The following ST14 variants were observed in gnomAD, a reference collection of about 807,000 sequenced individuals.
ST14 encodes ST14 transmembrane serine protease matriptase.
Under a neutral mutation model 96.5 loss-of-function variants are expected in ST14, and 40 were observed. The observed-to-expected ratio is 0.41, with a 90% confidence interval of 0.32 to 0.54. ST14 has a LOEUF of 0.54. ST14 is among the 20% of genes least tolerant of loss of function. The probability of loss-of-function intolerance (pLI) is 0.17; values close to 1 mark genes in which losing one functional copy is unlikely to be tolerated. For missense variants in ST14, 1,066 were observed against 1,188.9 expected (o/e 0.90, Z 1.52); for synonymous variants, 506 against 492.1 (o/e 1.03, Z -0.37).
At chr11:130,176,625 T>A (rs1953140841) in intron 1 of ST14, among the ~76,000 whole-genome samples, 2 of 152,068 alleles carry the variant, frequency 1.3e-5, no homozygotes, top group South Asian at 4.2e-4. Context: ...CCTGACCTCA[T>A]GATCCGCCTG....
At chr11:130,168,792 T>C (rs369564251) in intron 1 of ST14, among the ~76,000 whole-genome samples, 17 of 152,292 alleles carry the variant, frequency 1.1e-4, no homozygotes, top group Non-Finnish European at 1.8e-4. Flanking sequence ...GTTTGCATAG[T>C]TGGTCCTTTC....
chr11:130,161,268 C>T (rs933303905), intron 1 of ST14, among the ~76,000 whole-genome samples: 1 of 152,224 alleles, frequency 6.6e-6, no homozygotes, highest in African/African-American at 2.4e-5. Flanking sequence ...GGCCCTTCCC[C>T]TGGCTGTGCC....
At chr11:130,183,493 A>G (rs1029769712) in intron 1 of ST14, among the ~76,000 whole-genome samples, 3 of 150,916 alleles carry the variant, frequency 2.0e-5, no homozygotes, top group South Asian at 2.1e-4. Context: ...GGATTGCTTG[A>G]GCCAAGAATT....
At chr11:130,191,956 T>G (rs1213991214) in intron 7 of ST14, among the ~76,000 whole-genome samples, 4 of 152,176 alleles carry the variant, frequency 2.6e-5, no homozygotes, top group African/African-American at 9.7e-5. Flanking sequence ...GTGAGTCCTT[T>G]CCTATCTCTA....
chr11:130,168,813 G>A (rs1467185010), intron 1 of ST14, among the ~76,000 whole-genome samples: 1 of 152,110 alleles, frequency 6.6e-6, no homozygotes, highest in Admixed American at 6.5e-5. Context: ...CCCAAAACAG[G>A]TGCTCAGATT....
At chr11:130,190,349 C>G in intron 6 of ST14, 105 bp from the exon 7 acceptor site, 2 of 1,566,976 alleles carry the variant, frequency 1.3e-6, no homozygotes, top group Non-Finnish European at 1.7e-6. Context: ...TGGGGCGTCT[C>G]GAAGGGGCGA....
At chr11:130,177,524 T>A (rs1421312283) in intron 1 of ST14, among the ~76,000 whole-genome samples, 1 of 152,048 alleles carries the variant, frequency 6.6e-6, no homozygotes, top group South Asian at 2.1e-4. Flanking sequence ...TATGGCGCCA[T>A]TGCACTCCAG....
intron 9 of ST14, among the ~76,000 whole-genome samples, chr11:130,195,784 C>T (rs1206819780): frequency 3.3e-5 from 5 of 149,868 alleles, no homozygotes; most frequent in African/African-American, 9.8e-5. Flanking sequence ...ACCCGGGAGT[C>T]GGAGGTTGTG....
At position 130,187,152 on chromosome 11, in the gene ST14, G is replaced by A. The variant is rs1478549317; in HGVS notation, c.82-962G>A. ...AACACCTGTGGGTGTGGGATGGGCTGTTGCTTTTGTTGTGAGCCGTATTGA... is the reference window on the plus strand; with the variant it reads ...AACACCTGTGGGTGTGGGATGGGCTATTGCTTTTGTTGTGAGCCGTATTGA... On this transcript the variant is annotated intron_variant, in intron 1 of 18. Transcript: ENST00000278742. This position sits in a 1 kb window ranked among gnomAD's most constrained non-coding sequence, Gnocchi z 4.5. Among the ~76,000 whole-genome samples, 1 of 152,190 alleles carries A rather than the reference G, an allele frequency of 6.6e-6. No individual in the cohort carries two copies. The highest frequency in any genetic ancestry group is 1.5e-5 in the Non-Finnish European group (1 of 68,036).
intron 1 of ST14, among the ~76,000 whole-genome samples, chr11:130,173,515 G>T (rs1309193864): frequency 4.0e-5 from 6 of 151,496 alleles, no homozygotes; most frequent in Admixed American, 2.0e-4. Context: ...AGAATCACTA[G>T]AACCTGGGAG....
chr11:130,163,147 G>A (rs999240979), intron 1 of ST14, among the ~76,000 whole-genome samples: 1 of 152,112 alleles, frequency 6.6e-6, no homozygotes, highest in Non-Finnish European at 1.5e-5. Flanking sequence ...GTCGCCTGTC[G>A]AGAGGCTGAG....
At chr11:130,192,528 A>C (rs1488449712) in intron 7 of ST14, among the ~76,000 whole-genome samples, 3 of 152,216 alleles carry the variant, frequency 2.0e-5, no homozygotes, top group Non-Finnish European at 4.4e-5. Flanking sequence ...AGCTGGGATT[A>C]CAGGCATGCG....
chr11:130,199,060 A>G lies in ST14; in HGVS notation c.1798A>G (p.Lys600Glu). The change falls in exon 15 of 19, where the codon AAG (lysine) becomes GAG (glutamate). Residue 600 changes from lysine (K) to glutamate (E), a missense_variant. By Grantham distance (56) the Lys-to-Glu change is moderately conservative. Coordinates refer to ENST00000278742, the MANE Select transcript of ST14 (RefSeq NM_021978.4). ...GGACTGTAGCGACGGCTCAGATGAGAAGGACTGCGGTGAGCAGGGCATCCG... is the reference window on the plus strand; with the variant it reads ...GGACTGTAGCGACGGCTCAGATGAGGAGGACTGCGGTGAGCAGGGCATCCG... ...KEDCSDGSDE[K>E]DCDCGLRSFT... 1.9e-6 allele frequency: 3 copies of G among 1,613,544 alleles called. No homozygotes were observed. Among genetic ancestry groups the G allele is most frequent in the Non-Finnish European group, 2.5e-6 (3 of 1,179,766 alleles).
intron 1 of ST14, among the ~76,000 whole-genome samples, chr11:130,173,574 T>C (rs1953112544): frequency 6.7e-6 from 1 of 148,770 alleles, no homozygotes; most frequent in African/African-American, 2.5e-5. Context: ...CCAGACTGCG[T>C]GACAGAGCGA....
intron 11 of ST14, 112 bp downstream of exon 11, chr11:130,196,812 A>G: frequency 6.6e-7 from 1 of 1,514,688 alleles, no homozygotes; most frequent in Non-Finnish European, 9.1e-7. Flanking sequence ...TGGAGAATGT[A>G]AGAGCATCTC....
chr11:130,159,898 C>G lies in ST14; in HGVS notation c.-82C>G. On this transcript the variant is annotated 5_prime_UTR_variant, in exon 1 of 19. Coordinates refer to ENST00000278742, the MANE Select transcript of ST14 (RefSeq NM_021978.4). ...GCCCGGAATCCCGCCGCCTGCGCCC[C>G]GCGCCCCGCGCCCTGCGGGCCATGG... is the stretch of plus-strand genomic sequence containing the variant. The G allele has an allele frequency of 1.1e-6, 1 of 874,350 alleles. No individual in the cohort carries two copies. The highest frequency in any genetic ancestry group is 5.7e-5 in the South Asian group (1 of 17,542). The allele number at this position is 874,350 out of a possible 1,614,324, so 54.2% of individuals were successfully genotyped here.
At chr11:130,167,800 T>G (rs1046990019) in intron 1 of ST14, among the ~76,000 whole-genome samples, 3 of 152,098 alleles carry the variant, frequency 2.0e-5, no homozygotes, top group Non-Finnish European at 4.4e-5. Flanking sequence ...CTGCAACCTC[T>G]GCCTCCCGGG....
intron 7 of ST14, among the ~76,000 whole-genome samples, chr11:130,192,712 C>G (rs1408028638): frequency 6.6e-6 from 1 of 152,174 alleles, no homozygotes; most frequent in Non-Finnish European, 1.5e-5. Flanking sequence ...TGTCTATTTT[C>G]CCAGCCTTTT....
chr11:130,178,365 T>G (rs983179992), intron 1 of ST14, among the ~76,000 whole-genome samples: 39 of 91,114 alleles, frequency 4.3e-4, no homozygotes, highest in Admixed American at 2.4e-3. Flanking sequence ...GAAGAGGGCA[T>G]CTTGAGGTGC....
Sources: gnomAD v4.1 joint callset for allele counts (sites outside exome capture counted in the v4.1 genomes callset) on GRCh38, gnomAD v4.1.1 for gene constraint, Gnocchi (gnomAD v3.1) non-coding constraint, MANE v1.5 for transcripts, NCBI Gene and HGNC (gene_info 2026-07-23, HGNC 2026-07-21) for gene names.